Variants in ADAMTS17 observed in about 807,000 individuals in gnomAD.
ADAMTS17 encodes A disintegrin and metalloproteinase with thrombospondin motifs 17.
A neutral mutation model predicts 141.5 loss-of-function variants in ADAMTS17; 113 were observed. That is an observed-to-expected ratio of 0.80 (90% CI 0.69 to 0.93). The LOEUF (loss-of-function observed/expected upper bound fraction) is 0.93. Ranked by LOEUF, ADAMTS17 falls within the 40% of genes least tolerant of loss-of-function variation. The pLI is 0.00. For missense variants in ADAMTS17, 1,659 were observed against 1,517.9 expected (o/e 1.09, Z -1.54); for synonymous variants, 768 against 630.6 (o/e 1.22, Z -3.27).
chr15:100,153,923 G>A (rs1213999005), intron 9 of ADAMTS17, among the ~76,000 whole-genome samples: 1 of 152,200 alleles, frequency 6.6e-6, no homozygotes, highest in African/African-American at 2.4e-5. Context: ...GCTCACACCT[G>A]TAATCCCAGC....
chr15:100,041,032 C>T (rs2031204629), intron 18 of ADAMTS17, among the ~76,000 whole-genome samples: 1 of 152,138 alleles, frequency 6.6e-6, no homozygotes, highest in Admixed American at 6.5e-5. Flanking sequence ...CCACGTATTC[C>T]AGGCTTCATT....
chr15:100,330,165 A>G (rs2141950857), intron 3 of ADAMTS17, among the ~76,000 whole-genome samples: 2 of 152,306 alleles, frequency 1.3e-5, no homozygotes, highest in South Asian at 2.1e-4. Context: ...CCAGAGTATA[A>G]GAGCCCCAGG....
At chr15:100,004,538 G>A in intron 18 of ADAMTS17, among the ~76,000 whole-genome samples, 1 of 151,370 alleles carries the variant, frequency 6.6e-6, no homozygotes, top group Non-Finnish European at 1.5e-5. Flanking sequence ...CCACTAGTAA[G>A]CCCCAAAAAA....
chr15:100,061,158 C>G (rs1440782334), intron 15 of ADAMTS17, among the ~76,000 whole-genome samples: 3 of 152,202 alleles, frequency 2.0e-5, no homozygotes, highest in Admixed American at 1.3e-4. Flanking sequence ...GTGGCAACAA[C>G]AGGCAGGTTT....
intron 12 of ADAMTS17, among the ~76,000 whole-genome samples, chr15:100,130,338 T>C (rs1476172132): frequency 6.9e-6 from 1 of 144,354 alleles, no homozygotes; most frequent in South Asian, 2.2e-4. Context: ...CACTCCAGCC[T>C]GGGGGACAGA....
At chr15:100,030,917 C>T (rs2030093271) in intron 18 of ADAMTS17, among the ~76,000 whole-genome samples, 1 of 152,128 alleles carries the variant, frequency 6.6e-6, no homozygotes, top group Admixed American at 6.5e-5. Flanking sequence ...AATGGATAAC[C>T]CACAAAATGT....
In ADAMTS17 at chr15:100,115,425, C is replaced by T. The variant is rs118155455; in HGVS notation, c.1888+1422G>A. Among the ~76,000 whole-genome samples the T allele has an allele frequency of 4.5e-3, 688 of 152,334 alleles. 5 individuals carry two copies. The highest frequency in any genetic ancestry group is 6.7e-3 in the Non-Finnish European group (457 of 68,026). On this transcript the variant is annotated intron_variant, in intron 13 of 21. Transcript: ENST00000268070. ...GAGCTGATGGCGCAGCTACATTACA[C>T]GGTCCCCAAAGGTGGTGTTCTTTTT...
intron 7 of ADAMTS17, among the ~76,000 whole-genome samples, chr15:100,217,362 C>A (rs2042000174): frequency 6.6e-6 from 1 of 152,144 alleles, no homozygotes; most frequent in Non-Finnish European, 1.5e-5. Context: ...TTTGGGAGGA[C>A]AAGGCAGGCG....
At chr15:100,132,475 G>T (rs1220197435) in intron 11 of ADAMTS17, among the ~76,000 whole-genome samples, 3 of 152,226 alleles carry the variant, frequency 2.0e-5, no homozygotes, top group African/African-American at 7.2e-5. Context: ...TGTTTGACGT[G>T]AGTGCGTTTC....
At chr15:100,284,753 A>T (rs1368669955) in intron 3 of ADAMTS17, among the ~76,000 whole-genome samples, 1 of 152,214 alleles carries the variant, frequency 6.6e-6, no homozygotes, top group Non-Finnish European at 1.5e-5. Context: ...AAACTGCAAA[A>T]ATATGCTTGA....
intron 4 of ADAMTS17, among the ~76,000 whole-genome samples, chr15:100,270,108 CAGCCATTTCTTCTGTGACTCTGG>C (rs71151945): frequency 0.11 from 16,376 of 151,646 alleles, 1,085 homozygotes; most frequent in Non-Finnish European, 0.13. Flanking sequence ...GCTCTGACTG[CAGCCATTTCTTCTGTGACTCTGG>C]AGCCATTTCT....
intron 21 of ADAMTS17, 76 bp downstream of exon 21, chr15:99,975,969 C>T: frequency 6.8e-7 from 1 of 1,461,688 alleles, no homozygotes. Context: ...GCTGAAAGAA[C>T]CTCACCGTCA....
intron 13 of ADAMTS17, among the ~76,000 whole-genome samples, chr15:100,111,131 T>C (rs2036752316): frequency 6.6e-6 from 1 of 152,118 alleles, no homozygotes; most frequent in Non-Finnish European, 1.5e-5. Context: ...TGCCTCACCA[T>C]GCATCCATTC....
At chr15:100,105,846 T>G (rs772893558) in intron 14 of ADAMTS17, among the ~76,000 whole-genome samples, 7 of 151,914 alleles carry the variant, frequency 4.6e-5, no homozygotes, top group Non-Finnish European at 8.8e-5. Context: ...CATCACCACA[T>G]CCAGCTAATT....
At chr15:100,010,609 C>T (rs1445985313) in intron 18 of ADAMTS17, among the ~76,000 whole-genome samples, 1 of 152,236 alleles carries the variant, frequency 6.6e-6, no homozygotes, top group Non-Finnish European at 1.5e-5. Context: ...TTCCTGTCTG[C>T]CTGAGACTGG....
Position 100,063,552 on chromosome 15 carries a change from T to C in ADAMTS17, c.2138-9498A>G, listed in dbSNP as rs1476261955. The stretch of plus-strand genomic sequence containing the variant: ...CTGTGTGGTCCCCTCTGGGTGCTCA[T>C]GTCATTACAACACAGGCGTGAAACC... On this transcript the variant is annotated intron_variant, in intron 15 of 21. Coordinates refer to ENST00000268070, the MANE Select transcript of ADAMTS17 (RefSeq NM_139057.4). The C allele has an allele frequency of 2.5e-5, 19 of 773,316 alleles. 1 individual carries two copies. The highest frequency in any genetic ancestry group is 2.7e-5 in the Non-Finnish European group (14 of 523,774). 47.9% of individuals were successfully genotyped at this position (773,316 alleles called of 1,614,324 possible). A position where few individuals can be genotyped will look rare whatever the true frequency, so the allele number is the denominator to read the frequency against.
chr15:100,275,794 A>T (rs1187007115), intron 4 of ADAMTS17, among the ~76,000 whole-genome samples: 1 of 151,680 alleles, frequency 6.6e-6, no homozygotes, highest in East Asian at 2.0e-4. Context: ...GGCTGACGCT[A>T]ATCTAATACA....
At chr15:100,290,433 C>T (rs2044590558) in intron 3 of ADAMTS17, among the ~76,000 whole-genome samples, 1 of 152,068 alleles carries the variant, frequency 6.6e-6, no homozygotes, top group Non-Finnish European at 1.5e-5. Flanking sequence ...CCATAGTGTC[C>T]AAAGCAATTT....
At chr15:100,139,164 CAAGAAAAAGGG>C (rs1555460330) in intron 10 of ADAMTS17, among the ~76,000 whole-genome samples, 1 of 151,412 alleles carries the variant, frequency 6.6e-6, no homozygotes, top group Non-Finnish European at 1.5e-5. Context: ...TTAAACAATA[CAAGAAAAAGGG>C]GAGAAAAGTA....
Sources: allele counts gnomAD v4.1 joint callset (sites outside exome capture counted in the v4.1 genomes callset), GRCh38; gene constraint gnomAD v4.1.1; transcripts MANE v1.5; gene names NCBI Gene and HGNC (gene_info 2026-07-23, HGNC 2026-07-21).